Variants in GRID2 observed in about 807,000 individuals in gnomAD.
GRID2 encodes the protein glutamate receptor ionotropic, delta-2.
A neutral mutation model predicts 114.8 loss-of-function variants in GRID2; 33 were observed. The ratio of observed to expected loss-of-function variants is 0.29; its 90% CI spans 0.22 to 0.38. GRID2 has a LOEUF of 0.38. GRID2 is among the 10% of genes least tolerant of loss of function. GRID2 has a pLI of 1.00. For synonymous variants in GRID2, 505 were observed against 449.9 expected (o/e 1.12, Z -1.55); for missense variants, 1,184 against 1,257.7 (o/e 0.94, Z 0.89).
intron 8 of GRID2, among the ~76,000 whole-genome samples, chr4:93,335,284 G>A (rs1758929084): frequency 1.3e-5 from 2 of 152,116 alleles, no homozygotes; most frequent in South Asian, 4.1e-4. Flanking sequence ...ACAGGAAGAT[G>A]GACTTTTGCC....
chr4:92,693,811 C>CTG (rs1180718239), intron 2 of GRID2, among the ~76,000 whole-genome samples: 1 of 152,076 alleles, frequency 6.6e-6, no homozygotes, highest in Non-Finnish European at 1.5e-5. Context: ...TTAAAATACT[C>CTG]TGTTAAGTAA....
At chr4:93,444,667 G>T (rs2149396478) in intron 10 of GRID2, among the ~76,000 whole-genome samples, 1 of 152,034 alleles carries the variant, frequency 6.6e-6, no homozygotes, top group African/African-American at 2.4e-5. Context: ...AACACTTATT[G>T]AGCATCTATT....
At chr4:92,367,628 A>G (rs1197109541) in intron 1 of GRID2, among the ~76,000 whole-genome samples, 2 of 152,052 alleles carry the variant, frequency 1.3e-5, no homozygotes, top group African/African-American at 4.8e-5. Flanking sequence ...TTAAAGGGAG[A>G]TGTGTAGCTG....
At chr4:93,679,146 G>A (rs1725239175) in intron 14 of GRID2, among the ~76,000 whole-genome samples, 1 of 151,172 alleles carries the variant, frequency 6.6e-6, no homozygotes, top group African/African-American at 2.5e-5. Context: ...TGATAAAACA[G>A]ACTTTAAACC....
intron 8 of GRID2, among the ~76,000 whole-genome samples, chr4:93,265,118 C>T (rs184248527): frequency 3.9e-4 from 59 of 152,058 alleles, no homozygotes; most frequent in African/African-American, 2.9e-4. Context: ...AAATTGCATA[C>T]GTAACTGGTA....
intron 10 of GRID2, among the ~76,000 whole-genome samples, chr4:93,454,951 A>G (rs978693221): frequency 3.3e-5 from 5 of 152,134 alleles, no homozygotes; most frequent in Non-Finnish European, 7.4e-5. Context: ...AGATTCTGTT[A>G]CATTTTAAAT....
chr4:93,552,200 G>C (rs980139116), intron 13 of GRID2, among the ~76,000 whole-genome samples: 4 of 152,058 alleles, frequency 2.6e-5, no homozygotes, highest in African/African-American at 7.2e-5. Context: ...CCCTACAAAG[G>C]ACATGAACTC....
In GRID2 at chr4:93,717,910, ATATT is replaced by A. The variant is rs1177578613; in HGVS notation, c.2361-51296_2361-51293del. 2.0e-5 allele frequency among the ~76,000 whole-genome samples: 3 copies of A among 152,178 alleles called. No homozygotes were observed. The East Asian group carries it at 5.8e-4, about 29-fold the overall frequency. On this transcript the variant is annotated intron_variant, in intron 14 of 15. Transcript: ENST00000282020. The stretch of plus-strand genomic sequence containing the variant: ...AGAGAGTTATAATAGAGTAAGAAAC[ATATT>A]TATGCAAGTGAGTGTAATACAGGAA...
chr4:93,208,956 A>G (rs530439008), intron 5 of GRID2, among the ~76,000 whole-genome samples: 1 of 152,168 alleles, frequency 6.6e-6, no homozygotes, highest in East Asian at 1.9e-4. Flanking sequence ...AAATATTTTC[A>G]TTTCAATTTT....
intron 1 of GRID2, among the ~76,000 whole-genome samples, chr4:92,547,966 A>C (rs1726353237): frequency 6.6e-6 from 1 of 152,196 alleles, no homozygotes; most frequent in South Asian, 2.1e-4. Flanking sequence ...CAAACAGAAA[A>C]AATAATTAAG....
At chr4:92,415,555 A>G (rs1004264373) in intron 1 of GRID2, among the ~76,000 whole-genome samples, 2 of 151,386 alleles carry the variant, frequency 1.3e-5, no homozygotes, top group African/African-American at 4.9e-5. Flanking sequence ...CTTATAAGTG[A>G]GAACATATGA....
intron 13 of GRID2, among the ~76,000 whole-genome samples, chr4:93,554,406 A>G (rs1734096013): frequency 6.6e-6 from 1 of 151,296 alleles, no homozygotes; most frequent in Admixed American, 6.6e-5. Context: ...TAAATTGTCC[A>G]TTTATCTCTT....
chr4:92,528,822 A>T (rs1175799861), intron 1 of GRID2, among the ~76,000 whole-genome samples: 3 of 84,166 alleles, frequency 3.6e-5, no homozygotes, highest in South Asian at 4.1e-4. Flanking sequence ...ACATCCTGTA[A>T]AAAAAAAAAA....
At chr4:93,803,548 C>T (rs867093593) in intron 1 of GRID2, among the ~76,000 whole-genome samples, 36 of 151,950 alleles carry the variant, frequency 2.4e-4, no homozygotes, top group African/African-American at 8.5e-4. Context: ...ATAGTGAAAC[C>T]GTGTCTCTAC....
intron 2 of GRID2, among the ~76,000 whole-genome samples, chr4:92,939,029 G>GA (rs1178319125): frequency 6.8e-6 from 1 of 147,120 alleles, no homozygotes; most frequent in Non-Finnish European, 1.5e-5. Context: ...AAACATACAT[G>GA]TGTGGGTGTC....
chr4:92,406,951 G>C (rs1231820569), intron 1 of GRID2, among the ~76,000 whole-genome samples: 1 of 151,728 alleles, frequency 6.6e-6, no homozygotes, highest in Non-Finnish European at 1.5e-5. Context: ...TCTGAAACTG[G>C]GTAATTTATA....
At chr4:93,478,368 A>G (rs999811794) in intron 11 of GRID2, among the ~76,000 whole-genome samples, 1 of 152,006 alleles carries the variant, frequency 6.6e-6, no homozygotes, top group Non-Finnish European at 1.5e-5. Flanking sequence ...ATTTTATGGT[A>G]TTGGGTCTGG....
intron 8 of GRID2, among the ~76,000 whole-genome samples, chr4:93,329,769 C>G (rs902602384): frequency 6.6e-6 from 1 of 152,080 alleles, no homozygotes; most frequent in African/African-American, 2.4e-5. Flanking sequence ...ATGGTGGCTA[C>G]TAAAAGCTGA....
chr4:92,854,139 T>C (rs1478667400), intron 2 of GRID2, among the ~76,000 whole-genome samples: 1 of 151,940 alleles, frequency 6.6e-6, no homozygotes, highest in Non-Finnish European at 1.5e-5. Context: ...CAAGGGGTGG[T>C]CTGGGCTACA....
Sources: gnomAD v4.1 joint callset for allele counts (sites outside exome capture counted in the v4.1 genomes callset) on GRCh38, gnomAD v4.1.1 for gene constraint, MANE v1.5 for transcripts, NCBI Gene and HGNC (gene_info 2026-07-23, HGNC 2026-07-21) for gene names.